Variants in PLCB1 observed in about 807,000 individuals in gnomAD.
PLCB1 encodes phospholipase C beta 1, also known as 1-phosphatidylinositol 4,5-bisphosphate phosphodiesterase beta-1.
In PLCB1, 46 loss-of-function variants were observed where a neutral mutation model predicts 161.8. That is an observed-to-expected ratio of 0.28 (90% CI 0.22 to 0.36). The LOEUF is 0.36. Among genes scored for constraint, PLCB1 ranks in the 10% least tolerant of loss-of-function variants. The probability of loss-of-function intolerance (pLI) is 1.00; values close to 1 mark genes in which losing one functional copy is unlikely to be tolerated. For missense variants in PLCB1, 1,016 were observed against 1,472.5 expected (o/e 0.69, Z 5.07); for synonymous variants, 517 against 503.7 (o/e 1.03, Z -0.35).
chr20:8,340,314 T>C (rs996116418), intron 2 of PLCB1, among the ~76,000 whole-genome samples: 1 of 152,234 alleles, frequency 6.6e-6, no homozygotes, highest in African/African-American at 2.4e-5. Flanking sequence ...ATTTCCTGTT[T>C]CATATTTTCC....
chr20:8,420,129 A>G (rs909561397), intron 3 of PLCB1, among the ~76,000 whole-genome samples: 1 of 152,190 alleles, frequency 6.6e-6, no homozygotes, highest in African/African-American at 2.4e-5. Flanking sequence ...TAATTTCCTT[A>G]CCTGTAAAAT....
intron 3 of PLCB1, among the ~76,000 whole-genome samples, chr20:8,465,150 A>G (rs986816650): frequency 6.6e-6 from 1 of 151,914 alleles, no homozygotes; most frequent in Non-Finnish European, 1.5e-5. Flanking sequence ...GTTATTTTAT[A>G]TATTATATAT....
At chr20:8,185,853 C>G in intron 2 of PLCB1, among the ~76,000 whole-genome samples, 1 of 151,958 alleles carries the variant, frequency 6.6e-6, no homozygotes, top group East Asian at 1.9e-4. Flanking sequence ...TAGATTTTGC[C>G]GTCTAGTTAA....
At chr20:8,856,108 A>G (rs1198302814) in intron 31 of PLCB1, among the ~76,000 whole-genome samples, 1 of 151,276 alleles carries the variant, frequency 6.6e-6, no homozygotes, top group East Asian at 1.9e-4. Flanking sequence ...CTTCAAGGTA[A>G]CAATGAATCT....
chr20:8,798,352 G>T (rs1378286846), intron 31 of PLCB1, among the ~76,000 whole-genome samples: 1 of 152,140 alleles, frequency 6.6e-6, no homozygotes, highest in Non-Finnish European at 1.5e-5. Flanking sequence ...TATCAGTCAG[G>T]GTTCAACTAG....
At chr20:8,576,606 G>A (rs1035191929) in intron 3 of PLCB1, among the ~76,000 whole-genome samples, 1 of 151,984 alleles carries the variant, frequency 6.6e-6, no homozygotes, top group African/African-American at 2.4e-5. Flanking sequence ...GAAATATTTT[G>A]GGAATATGTA....
intron 4 of PLCB1, among the ~76,000 whole-genome samples, chr20:8,629,811 T>TC: frequency 1.3e-5 from 1 of 76,464 alleles, no homozygotes; most frequent in South Asian, 5.1e-4. Context: ...TTCTTTCTTT[T>TC]CTTTCTTTTC....
At chr20:8,176,216 A>G (rs551092467) in intron 2 of PLCB1, among the ~76,000 whole-genome samples, 1 of 152,346 alleles carries the variant, frequency 6.6e-6, no homozygotes, top group East Asian at 1.9e-4. Flanking sequence ...AGCTTTATTA[A>G]TAATAGCCCA....
At chr20:8,437,080 G>A (rs1980346288) in intron 3 of PLCB1, among the ~76,000 whole-genome samples, 2 of 152,092 alleles carry the variant, frequency 1.3e-5, no homozygotes, top group Admixed American at 6.6e-5. Flanking sequence ...ATGAGCCACC[G>A]AGCCTGGTCC....
chr20:8,351,082 A>G (rs970379992), intron 2 of PLCB1, among the ~76,000 whole-genome samples: 1 of 152,162 alleles, frequency 6.6e-6, no homozygotes, highest in Non-Finnish European at 1.5e-5. Context: ...TAGAGAACTC[A>G]TATGATTTAA....
Position 8,259,032 on chromosome 20 carries a change from T to C in PLCB1, c.177+108661T>C, listed in dbSNP as rs181110095. Among the ~76,000 whole-genome samples, 93 of 152,296 alleles carry C rather than the reference T, an allele frequency of 6.1e-4. 2 individuals are homozygous for C. The East Asian group carries it at 0.014, about 22-fold the overall frequency. ...AAAATATAAATGGAATCATACAATATGTAGCCTTTTGAGTCTGGCTCTTTT... is the reference window on the plus strand; with the variant it reads ...AAAATATAAATGGAATCATACAATACGTAGCCTTTTGAGTCTGGCTCTTTT... On this transcript the variant is annotated intron_variant, in intron 2 of 31. Coordinates refer to ENST00000338037, the MANE Select transcript of PLCB1 (RefSeq NM_015192.4).
intron 3 of PLCB1, among the ~76,000 whole-genome samples, chr20:8,609,496 C>A (rs113147943): frequency 9.2e-5 from 14 of 152,164 alleles, no homozygotes; most frequent in African/African-American, 2.4e-5. Flanking sequence ...CTGGCTCCAA[C>A]GCATCTATCT....
intron 2 of PLCB1, chr20:8,305,739 C>G: frequency 6.6e-6 from 1 of 152,312 alleles, no homozygotes; most frequent in Non-Finnish European, 1.5e-5. Flanking sequence ...CCCCTATAAA[C>G]CTTGCTATTT....
At chr20:8,292,890 T>G (rs952000212) in intron 2 of PLCB1, among the ~76,000 whole-genome samples, 9 of 152,170 alleles carry the variant, frequency 5.9e-5, no homozygotes, top group Non-Finnish European at 1.3e-4. Flanking sequence ...TCTGGGTTTT[T>G]AAATCTGTTA....
intron 3 of PLCB1, among the ~76,000 whole-genome samples, chr20:8,594,558 C>G (rs1425252579): frequency 2.0e-5 from 3 of 151,518 alleles, no homozygotes; most frequent in Non-Finnish European, 4.4e-5. Context: ...TTTTGAGTAG[C>G]CACTTAGTGC....
At chr20:8,849,298 C>G (rs1986805124) in intron 31 of PLCB1, among the ~76,000 whole-genome samples, 1 of 152,130 alleles carries the variant, frequency 6.6e-6, no homozygotes, top group Admixed American at 6.5e-5. Flanking sequence ...GATGTCAGCT[C>G]CATCATTATC....
chr20:8,246,845 T>C (rs1169264357), intron 2 of PLCB1, among the ~76,000 whole-genome samples: 1 of 151,946 alleles, frequency 6.6e-6, no homozygotes, highest in Non-Finnish European at 1.5e-5. Flanking sequence ...ATTTGCTTCC[T>C]CTGAATGACT....
chr20:8,434,152 G>C (rs1236893627), intron 3 of PLCB1, among the ~76,000 whole-genome samples: 6 of 152,200 alleles, frequency 3.9e-5, no homozygotes, highest in African/African-American at 1.4e-4. Context: ...GAAGATAGTT[G>C]ACAGTTGGTT....
intron 31 of PLCB1, among the ~76,000 whole-genome samples, chr20:8,837,228 C>T (rs1017495700): frequency 5.9e-5 from 9 of 152,206 alleles, no homozygotes; most frequent in Non-Finnish European, 1.3e-4. Context: ...CAGGACCCCT[C>T]TTTGTTTCTA....
Sources: allele counts gnomAD v4.1 joint callset (sites outside exome capture counted in the v4.1 genomes callset), GRCh38; gene constraint gnomAD v4.1.1; transcripts MANE v1.5; gene names NCBI Gene and HGNC (gene_info 2026-07-23, HGNC 2026-07-21).